Variants in PIWIL4 observed in about 807,000 individuals in gnomAD.
PIWIL4 encodes piwi like RNA-mediated gene silencing 4.
PIWIL4 carries 50 observed loss-of-function variants against 100.9 expected under a neutral mutation model. The ratio of observed to expected loss-of-function variants is 0.50; its 90% CI spans 0.39 to 0.63. PIWIL4 has a LOEUF of 0.63. Among genes scored for constraint, PIWIL4 ranks in the 20% least tolerant of loss-of-function variants. The probability of loss-of-function intolerance (pLI) is 0.00; values close to 1 mark genes in which losing one functional copy is unlikely to be tolerated. For missense variants in PIWIL4, 887 were observed against 1,043.3 expected (o/e 0.85, Z 2.06); for synonymous variants, 342 against 367.5 (o/e 0.93, Z 0.79).
chr11:94,592,057 GGTCTCCACCTGC>G (rs1212084325), intron 8 of PIWIL4, among the ~76,000 whole-genome samples: 1 of 152,020 alleles, frequency 6.6e-6, no homozygotes, highest in East Asian at 1.9e-4. Context: ...GTCCTCTCTT[GGTCTCCACCTGC>G]ATGGAGGCTT....
At chr11:94,604,227 C>T (rs543697570) in intron 13 of PIWIL4, among the ~76,000 whole-genome samples, 171 bp downstream of exon 13, 84 of 152,256 alleles carry the variant, frequency 5.5e-4, no homozygotes, top group African/African-American at 1.9e-3. Flanking sequence ...ATTTCCTTTC[C>T]ACATTTCTAA....
intron 14 of PIWIL4, 145 bp from the exon 15 acceptor site, chr11:94,608,438 G>A (rs143090201): frequency 3.1e-4 from 189 of 615,820 alleles, no homozygotes; most frequent in Middle Eastern, 3.1e-3. Context: ...TAATAATCTG[G>A]CTCACGGATC....
chr11:94,618,269 G>C (rs1948867559), intron 17 of PIWIL4, among the ~76,000 whole-genome samples, 162 bp downstream of exon 17: 1 of 152,160 alleles, frequency 6.6e-6, no homozygotes, highest in Non-Finnish European at 1.5e-5. Flanking sequence ...CTTCAGATTG[G>C]AGGGTAGTTG....
intron 2 of PIWIL4, among the ~76,000 whole-genome samples, chr11:94,573,474 A>C (rs912051672): frequency 1.3e-5 from 2 of 152,106 alleles, no homozygotes; most frequent in African/African-American, 4.8e-5. Flanking sequence ...TCAATACCTA[A>C]TTTATTGAGA....
rs267603256 is a variant in PIWIL4, at chr11:94,620,089, C to T, written c.2387C>T (p.Pro796Leu). The change falls in exon 19 of 20, where the codon CCC becomes CTC. Residue 796 changes from proline (P) to leucine (L), a missense_variant. This residue lies in a region of PIWIL4 where 741 missense variants were observed against 930.0 expected (regional missense o/e 0.80). Coordinates refer to ENST00000299001, the MANE Select transcript of PIWIL4 (RefSeq NM_152431.3). ...NVIYDDNGLK[P>L]DHMQRLTFKL... ...ATCTATGATGACAACGGCTTGAAGC[C>T]CGACCATATGCAGAGACTTACATTC... 6.2e-7 allele frequency: 1 copy of T among 1,613,584 alleles called. No individual in the cohort carries two copies. Among genetic ancestry groups the T allele is most frequent in the Non-Finnish European group, 8.5e-7 (1 of 1,179,820 alleles).
chr11:94,591,299 C>T (rs7111719), intron 8 of PIWIL4, among the ~76,000 whole-genome samples: 43,408 of 152,146 alleles, frequency 0.29, 6,339 homozygotes, highest in East Asian at 0.43. Context: ...CAGAAAGCCA[C>T]GCTGTACCTT....
rs1948358542 is a variant in PIWIL4 at position 94,583,682 on chromosome 11, C to T, written c.635+113C>T. The stretch of plus-strand genomic sequence containing the variant: ...GGCAGTGTGCCAGCAGTGATGCCAC[C>T]GTTAGGGCAATTTCTCAAGCACCTT... On this transcript the variant is annotated intron_variant, in intron 5 of 19. Transcript: ENST00000299001. 7 of 1,395,816 alleles carry T rather than the reference C, an allele frequency of 5.0e-6. No homozygotes were observed. The East Asian group carries it at 7.0e-5, about 14-fold the overall frequency. The allele number at this position is 1,395,816 out of a possible 1,614,324, so 86.5% of individuals were successfully genotyped here. A position where few individuals can be genotyped will look rare whatever the true frequency, so the allele number is the denominator to read the frequency against.
chr11:94,602,711 C>G lies in PIWIL4; in HGVS notation c.1565+732C>G, dbSNP rs527605275. 3.3e-5 allele frequency among the ~76,000 whole-genome samples: 5 copies of G among 152,282 alleles called. No homozygotes were observed. The South Asian group carries it at 6.2e-4, about 19-fold the overall frequency. The stretch of plus-strand genomic sequence containing the variant: ...TTAGAAAAGAGGAACAGATACTTTT[C>G]TTTGTTATAATGGAGTTATTCTTTA... On this transcript the variant is annotated intron_variant, in intron 12 of 19. Coordinates refer to ENST00000299001, the MANE Select transcript of PIWIL4 (RefSeq NM_152431.3).
At chr11:94,586,944 T>G (rs1948408841) in intron 6 of PIWIL4, 106 bp from the exon 7 acceptor site, 9 of 1,127,312 alleles carry the variant, frequency 8.0e-6, no homozygotes, top group Non-Finnish European at 1.1e-5. Flanking sequence ...AAAATTATCT[T>G]GTTAAGATCT....
At chr11:94,583,210 G>A (rs1359522859) in intron 4 of PIWIL4, among the ~76,000 whole-genome samples, 5 of 152,068 alleles carry the variant, frequency 3.3e-5, no homozygotes, top group Non-Finnish European at 5.9e-5. Context: ...CCATGAGTCT[G>A]GCTTTAATTC....
intron 10 of PIWIL4, among the ~76,000 whole-genome samples, chr11:94,597,516 T>C (rs1162873777): frequency 6.6e-6 from 1 of 152,248 alleles, no homozygotes; most frequent in African/African-American, 2.4e-5. Context: ...AGATGAATAG[T>C]TTGCTCAAGG....
chr11:94,568,788 C>T lies in PIWIL4; in HGVS notation c.146C>T (p.Thr49Ile). Residue 49 changes from threonine to isoleucine, a missense_variant, in exon 2 of 20, where the codon ACA becomes ATA. Thr to Ile is a moderately conservative substitution (Grantham distance 89). Coordinates refer to ENST00000299001, the MANE Select transcript of PIWIL4 (RefSeq NM_152431.3). ...TCCTCTAGCAATGGCTTCTTGGGAA[C>T]AAGCAGGATCTCAACCAACGGTAAG... ...EASSSNGFLG[T>I]SRISTNDKYG... The T allele has an allele frequency of 2.5e-6, 4 of 1,604,548 alleles. No homozygotes were observed. The highest frequency in any genetic ancestry group is 3.4e-6 in the Non-Finnish European group (4 of 1,171,288).
Position 94,608,660 on chromosome 11 carries a change from G to A in PIWIL4, c.1917G>A (p.Val639=). 6.2e-7 allele frequency: 1 copy of A among 1,614,072 alleles called. No homozygotes were observed. The highest frequency in any genetic ancestry group is 8.5e-7 in the Non-Finnish European group (1 of 1,179,960). ...AGGACGTGATGGTTGTTGGATGCGTGGCCAGTGTTAACCCCAGAATCACCA... is the reference window on the plus strand; with the variant it reads ...AGGACGTGATGGTTGTTGGATGCGTAGCCAGTGTTAACCCCAGAATCACCA... The part of the protein sequence containing the change: ...LSKDVMVVGC[V]ASVNPRITRW... The change falls in exon 15 of 20, where the codon GTG becomes GTA. Residue 639 remains valine, a synonymous_variant. Coordinates refer to ENST00000299001, the MANE Select transcript of PIWIL4 (RefSeq NM_152431.3).
chr11:94,619,915 C>G, intron 18 of PIWIL4, 30 bp downstream of exon 18: 1 of 1,614,070 alleles, frequency 6.2e-7, no homozygotes, highest in South Asian at 1.1e-5. Context: ...CAATTTTTAA[C>G]AAAACATTCA....
At chr11:94,608,422 C>T in intron 14 of PIWIL4, 161 bp from the exon 15 acceptor site, 1 of 587,234 alleles carries the variant, frequency 1.7e-6, no homozygotes, top group Non-Finnish European at 3.0e-6. Context: ...TCTCTCATTT[C>T]TGGTTTAATA....
chr11:94,604,772 C>T (rs1309451039), intron 13 of PIWIL4, among the ~76,000 whole-genome samples: 5 of 152,202 alleles, frequency 3.3e-5, no homozygotes, highest in South Asian at 2.1e-4. Context: ...TTACCTCCCT[C>T]GCTCACTCAG....
intron 3 of PIWIL4, among the ~76,000 whole-genome samples, chr11:94,575,417 G>C (rs1948224185): frequency 6.6e-6 from 1 of 152,174 alleles, no homozygotes. Flanking sequence ...CCCAACATGG[G>C]AAGTAAAAAT....
intron 7 of PIWIL4, among the ~76,000 whole-genome samples, 175 bp downstream of exon 7, chr11:94,587,422 C>T (rs1948416481): frequency 6.6e-6 from 1 of 152,220 alleles, no homozygotes; most frequent in African/African-American, 2.4e-5. Flanking sequence ...GTGTGGCATT[C>T]TGGACTGTCC....
chr11:94,609,951 A>G (rs538622993), intron 15 of PIWIL4, among the ~76,000 whole-genome samples: 1 of 152,100 alleles, frequency 6.6e-6, no homozygotes, highest in Admixed American at 6.5e-5. Flanking sequence ...ATGATAATTA[A>G]CTATACTCAA....
Sources: gnomAD v4.1 joint callset for allele counts (sites outside exome capture counted in the v4.1 genomes callset) on GRCh38, gnomAD v4.1.1 for gene constraint, gnomAD v4.1.1 regional missense constraint, MANE v1.5 for transcripts, NCBI Gene and HGNC (gene_info 2026-07-23, HGNC 2026-07-21) for gene names.